Variants in EFCAB6 observed in about 807,000 individuals in gnomAD.
The protein encoded by EFCAB6 is EF-hand calcium binding domain 6, also known as EF-hand calcium-binding domain-containing protein 6.
A neutral mutation model predicts 169.8 loss-of-function variants in EFCAB6; 156 were observed. The observed-to-expected ratio is 0.92, with a 90% confidence interval of 0.81 to 1.05. The LOEUF (loss-of-function observed/expected upper bound fraction) is 1.05. Among genes scored for constraint, EFCAB6 ranks in the 50% least tolerant of loss-of-function variants. EFCAB6 has a pLI of 0.00. For missense variants in EFCAB6, 1,800 were observed against 1,829.1 expected, an observed-to-expected ratio of 0.98 and a Z score of 0.29; for synonymous variants, 698 against 676.4, an observed-to-expected ratio of 1.03 and a Z score of -0.50.
chr22:43,678,182 A>G lies in EFCAB6; in HGVS notation c.1252-19T>C. On this transcript the variant is annotated intron_variant, in intron 12 of 31. Transcript: ENST00000262726. The stretch of plus-strand genomic sequence containing the variant: ...CGGGTTTCTGAGCATCAGAGTGTAT[A>G]TAAGGGAATTTTTGAAAAAAAAAAA... 6.5e-7 allele frequency: 1 copy of G among 1,536,488 alleles called. No homozygotes were observed. Among genetic ancestry groups the G allele is most frequent in the Non-Finnish European group, 8.8e-7 (1 of 1,140,582 alleles).
intron 13 of EFCAB6, among the ~76,000 whole-genome samples, chr22:43,677,144 T>G (rs1159575515): frequency 6.6e-6 from 1 of 152,178 alleles, no homozygotes; most frequent in Non-Finnish European, 1.5e-5. Flanking sequence ...TTCTTAAAAT[T>G]TTTTAAATGC....
chr22:43,742,963 G>A (rs2060427351), intron 6 of EFCAB6, among the ~76,000 whole-genome samples: 1 of 152,168 alleles, frequency 6.6e-6, no homozygotes, highest in Non-Finnish European at 1.5e-5. Context: ...GCAAGGCTGG[G>A]GAAGGCAAGA....
chr22:43,566,030 A>C (rs2049401133), intron 26 of EFCAB6, among the ~76,000 whole-genome samples: 1 of 152,198 alleles, frequency 6.6e-6, no homozygotes, highest in African/African-American at 2.4e-5. Context: ...AAAAAAGATA[A>C]AACATTAAAA....
At chr22:43,549,895 T>A (rs529264794) in intron 27 of EFCAB6, among the ~76,000 whole-genome samples, 26 of 152,302 alleles carry the variant, frequency 1.7e-4, no homozygotes, top group African/African-American at 6.3e-4. Context: ...TATTGAGAAA[T>A]TGAACCCAAA....
chr22:43,751,114 G>A (rs2060743813), intron 6 of EFCAB6, among the ~76,000 whole-genome samples: 1 of 152,176 alleles, frequency 6.6e-6, no homozygotes, highest in Non-Finnish European at 1.5e-5. Context: ...AACAGCCTGG[G>A]GCTTAGAATG....
At chr22:43,687,390 AAGT>A (rs2058237821) in intron 11 of EFCAB6, 78 bp downstream of exon 11, 2 of 864,082 alleles carry the variant, frequency 2.3e-6, no homozygotes, top group Admixed American at 3.2e-5. Context: ...AATGCAGAAA[AAGT>A]AGCACAGATA....
chr22:43,768,910 G>A (rs549383798), intron 4 of EFCAB6, among the ~76,000 whole-genome samples: 226 of 152,248 alleles, frequency 1.5e-3, no homozygotes, highest in African/African-American at 5.1e-3. Context: ...AAGTTTATGA[G>A]GAAACTGATA....
At chr22:43,679,103 A>G (rs566370115) in intron 12 of EFCAB6, among the ~76,000 whole-genome samples, 1 of 152,362 alleles carries the variant, frequency 6.6e-6, no homozygotes, top group Non-Finnish European at 1.5e-5. Flanking sequence ...ATCTAATTCT[A>G]GAATAGTTTC....
At chr22:43,586,971 T>C (rs927413713) in intron 24 of EFCAB6, among the ~76,000 whole-genome samples, 7 of 152,126 alleles carry the variant, frequency 4.6e-5, no homozygotes. Flanking sequence ...ATAATGGGAA[T>C]AGATGTATCA....
chr22:43,632,018 C>T, intron 19 of EFCAB6, 87 bp downstream of exon 19: 1 of 1,541,538 alleles, frequency 6.5e-7, no homozygotes, highest in Non-Finnish European at 8.8e-7. Flanking sequence ...GGGACATGAC[C>T]TACACCAGGA....
intron 2 of EFCAB6, 140 bp from the exon 3 acceptor site, chr22:43,782,465 T>C: frequency 1.4e-6 from 1 of 694,734 alleles, no homozygotes; most frequent in Middle Eastern, 2.5e-4. Context: ...TTTGCTGATG[T>C]TTCAGACTAT....
intron 17 of EFCAB6, among the ~76,000 whole-genome samples, chr22:43,635,554 A>G (rs999259025): frequency 6.6e-6 from 1 of 152,216 alleles, no homozygotes; most frequent in South Asian, 2.1e-4. Context: ...AGTCTCATAC[A>G]TTAGGTTTAT....
chr22:43,620,297 A>G (rs906125405), intron 20 of EFCAB6, among the ~76,000 whole-genome samples: 1 of 152,124 alleles, frequency 6.6e-6, no homozygotes, highest in African/African-American at 2.4e-5. Context: ...TGACAGAGTG[A>G]GAGAGCTAGT....
In EFCAB6 at chr22:43,537,682, A is replaced by C; in HGVS notation, c.3880-137T>G. 1.9e-6 allele frequency: 2 copies of C among 1,058,996 alleles called. No homozygotes were observed. The highest frequency in any genetic ancestry group is 2.6e-6 in the Non-Finnish European group (2 of 762,296). 65.6% of individuals were successfully genotyped at this position (1,058,996 alleles called of 1,614,324 possible). On this transcript the variant is annotated intron_variant, in intron 28 of 31. Transcript: ENST00000262726. This position sits in a 1 kb window ranked among gnomAD's most constrained non-coding sequence, Gnocchi z 4.3. ...GCCCAGAAATAAAATGAAGAATAAA[A>C]CATAGATGGTGATTTTACAATGTAG...
Position 43,735,993 on chromosome 22 carries a change from C to T in EFCAB6, c.508G>A (p.Val170Ile). ...RELEIQVGEKVFKNIKTVMKA... is the reference protein window; with the variant it reads ...RELEIQVGEKIFKNIKTVMKA... ...ATAACAGTCTTAATGTTTTTGAAAA[C>T]CTATGTACAAAAAGTGATTTAGGAA... Residue 170 changes from valine to isoleucine, a missense_variant and splice_region_variant, in exon 7 of 32, where the codon GTT becomes ATT. Physicochemically the swap from Val to Ile is conservative, Grantham distance 29. Transcript: ENST00000262726. 5 of 1,604,382 alleles carry T rather than the reference C, an allele frequency of 3.1e-6. No homozygotes were observed. The highest frequency in any genetic ancestry group is 3.4e-6 in the Non-Finnish European group (4 of 1,176,956).
intron 26 of EFCAB6, among the ~76,000 whole-genome samples, chr22:43,558,042 T>C (rs554325661): frequency 6.6e-6 from 1 of 152,340 alleles, no homozygotes; most frequent in South Asian, 2.1e-4. Context: ...GTAAAGATTA[T>C]ATTAAATGGA....
intron 23 of EFCAB6, among the ~76,000 whole-genome samples, chr22:43,596,957 G>T (rs1231238079): frequency 6.6e-6 from 1 of 152,100 alleles, no homozygotes; most frequent in African/African-American, 2.4e-5. Context: ...TGCACTTACA[G>T]CAAATTCATT....
chr22:43,802,006 G>A (rs9614275), intron 2 of EFCAB6, among the ~76,000 whole-genome samples: 45,532 of 152,068 alleles, frequency 0.3, 7,139 homozygotes, highest in Middle Eastern at 0.38. Context: ...TAGACTGAAA[G>A]TGAAGGGATG....
chr22:43,557,738 G>A (rs2048793355), intron 26 of EFCAB6, among the ~76,000 whole-genome samples: 1 of 152,236 alleles, frequency 6.6e-6, no homozygotes, highest in African/African-American at 2.4e-5. Context: ...AGTCAGTCTA[G>A]TTATGGCCAT....
Sources: gnomAD v4.1 joint callset for allele counts (sites outside exome capture counted in the v4.1 genomes callset) on GRCh38, gnomAD v4.1.1 for gene constraint, Gnocchi (gnomAD v3.1) non-coding constraint, MANE v1.5 for transcripts, NCBI Gene and HGNC (gene_info 2026-07-23, HGNC 2026-07-21) for gene names.